The following FOXN3 variants were observed in gnomAD, a reference collection of about 807,000 sequenced individuals.
FOXN3 encodes forkhead box N3.
A neutral mutation model predicts 38.4 loss-of-function variants in FOXN3; 7 were observed. That is an observed-to-expected ratio of 0.18 (90% CI 0.10 to 0.34). FOXN3 has a LOEUF of 0.34. Ranked by LOEUF, FOXN3 falls within the 10% of genes least tolerant of loss-of-function variation. The pLI is 1.00. For missense variants in FOXN3, 456 were observed against 613.4 expected (o/e 0.74, Z 2.71); for synonymous variants, 230 against 242.2 (o/e 0.95, Z 0.47).
intron 1 of FOXN3, among the ~76,000 whole-genome samples, chr14:89,521,354 T>TAGAGAGAG (rs1360819878): frequency 2.2e-5 from 2 of 92,306 alleles, no homozygotes; most frequent in African/African-American, 1.1e-4. Context: ...TCATAGATGA[T>TAGAGAGAG]AGATAGAGAG....
intron 2 of FOXN3, among the ~76,000 whole-genome samples, chr14:89,402,579 T>C (rs1891278371): frequency 6.6e-6 from 1 of 152,236 alleles, no homozygotes; most frequent in African/African-American, 2.4e-5. Flanking sequence ...GACCAAGCTC[T>C]AGCCAATAAG....
chr14:89,442,186 A>G (rs1892401450), intron 1 of FOXN3, among the ~76,000 whole-genome samples: 1 of 152,088 alleles, frequency 6.6e-6, no homozygotes, highest in Admixed American at 6.5e-5. Context: ...TCAGCCTCCC[A>G]AAGTGCTGGG....
At chr14:89,441,735 G>C (rs890160117) in intron 1 of FOXN3, among the ~76,000 whole-genome samples, 1 of 152,136 alleles carries the variant, frequency 6.6e-6, no homozygotes, top group Admixed American at 6.5e-5. Context: ...GAAATAAAGC[G>C]TCCTCTTGAA....
chr14:89,192,610 TA>T (rs1887986801), intron 4 of FOXN3, among the ~76,000 whole-genome samples: 1 of 142,610 alleles, frequency 7.0e-6, no homozygotes, highest in Non-Finnish European at 1.5e-5. Context: ...TAATATAAGC[TA>T]TATAAACTAT....
chr14:89,354,522 C>T (rs894628990), intron 2 of FOXN3, among the ~76,000 whole-genome samples: 2 of 146,480 alleles, frequency 1.4e-5, no homozygotes, highest in South Asian at 2.2e-4. Flanking sequence ...CCACTGCGCC[C>T]GGCCGTGGAG....
At chr14:89,216,799 A>G (rs1370858118) in intron 4 of FOXN3, among the ~76,000 whole-genome samples, 1 of 152,106 alleles carries the variant, frequency 6.6e-6, no homozygotes, top group African/African-American at 2.4e-5. Context: ...CCACCCCTTA[A>G]TGAAAATCCA....
intron 4 of FOXN3, among the ~76,000 whole-genome samples, chr14:89,268,252 G>A (rs1010280283): frequency 2.0e-5 from 3 of 152,168 alleles, no homozygotes; most frequent in South Asian, 2.1e-4. Flanking sequence ...TGGGGGATAC[G>A]TGGATGTGAG....
At chr14:89,220,074 T>C (rs1884416942) in intron 4 of FOXN3, among the ~76,000 whole-genome samples, 1 of 152,210 alleles carries the variant, frequency 6.6e-6, no homozygotes, top group Admixed American at 6.5e-5. Context: ...TTGCTATGCT[T>C]TTTGCAAGCC....
chr14:89,318,614 T>C (rs1292743165), intron 3 of FOXN3, among the ~76,000 whole-genome samples: 1 of 152,238 alleles, frequency 6.6e-6, no homozygotes, highest in Admixed American at 6.5e-5. Context: ...ACCTTTTATG[T>C]GTCAGGCTGT....
At chr14:89,196,139 A>G (rs1888093281) in intron 4 of FOXN3, among the ~76,000 whole-genome samples, 1 of 152,230 alleles carries the variant, frequency 6.6e-6, no homozygotes, top group South Asian at 2.1e-4. Context: ...ACGAGACTGG[A>G]AAACGGTCAC....
At chr14:89,236,521 A>T (rs1884986357) in intron 4 of FOXN3, among the ~76,000 whole-genome samples, 1 of 152,168 alleles carries the variant, frequency 6.6e-6, no homozygotes, top group South Asian at 2.1e-4. Flanking sequence ...TCTCAAAAAA[A>T]TAAAAAGAAA....
At chr14:89,502,156 C>T (rs1165979841) in intron 1 of FOXN3, among the ~76,000 whole-genome samples, 1 of 152,056 alleles carries the variant, frequency 6.6e-6, no homozygotes, top group Non-Finnish European at 1.5e-5. Flanking sequence ...AGCAAGACTC[C>T]ACCTCAAAAA....
chr14:89,438,035 C>T (rs8021576), intron 1 of FOXN3, among the ~76,000 whole-genome samples: 64,538 of 152,136 alleles, frequency 0.42, 14,486 homozygotes, highest in East Asian at 0.59. Flanking sequence ...AATGAATGAA[C>T]GACTGCTGTA....
At chr14:89,383,312 C>T (rs1215151649) in intron 2 of FOXN3, among the ~76,000 whole-genome samples, 1 of 152,128 alleles carries the variant, frequency 6.6e-6, no homozygotes, top group Non-Finnish European at 1.5e-5. Context: ...TGAGGCTTCT[C>T]CAGGCAGACA....
intron 1 of FOXN3, among the ~76,000 whole-genome samples, chr14:89,501,055 C>T (rs1331177358): frequency 1.3e-5 from 2 of 152,200 alleles, no homozygotes; most frequent in African/African-American, 2.4e-5. Context: ...AATGCGCCCT[C>T]CACGGGATCG....
chr14:89,301,573 G>C (rs1048651718), intron 3 of FOXN3, among the ~76,000 whole-genome samples: 2 of 152,074 alleles, frequency 1.3e-5, no homozygotes, highest in African/African-American at 2.4e-5. Context: ...TTCAAGACCA[G>C]ACTGGCCATC....
At chr14:89,554,291 C>T (rs562617289) in intron 1 of FOXN3, among the ~76,000 whole-genome samples, 14 of 152,232 alleles carry the variant, frequency 9.2e-5, no homozygotes, top group Admixed American at 2.0e-4. Context: ...TGAGCCACCA[C>T]GCCTGGCCTA....
chr14:89,360,585 AAAGGG>A (rs1458182814), intron 2 of FOXN3, among the ~76,000 whole-genome samples: 3 of 146,774 alleles, frequency 2.0e-5, no homozygotes, highest in East Asian at 2.0e-4. Context: ...AGAGAAGAAG[AAAGGG>A]AGAGAGGGAG....
At chr14:89,597,891 T>G (rs984294033) in intron 1 of FOXN3, among the ~76,000 whole-genome samples, 11 of 152,158 alleles carry the variant, frequency 7.2e-5, no homozygotes, top group African/African-American at 2.7e-4. Context: ...AATTTGACTA[T>G]TTAGTCTATT....
Sources: gnomAD v4.1 joint callset for allele counts (sites outside exome capture counted in the v4.1 genomes callset) on GRCh38, gnomAD v4.1.1 for gene constraint, MANE v1.5 for transcripts, NCBI Gene and HGNC (gene_info 2026-07-23, HGNC 2026-07-21) for gene names.